The following ATP7A variants were observed in gnomAD, a reference collection of about 807,000 sequenced individuals.
ATP7A encodes the protein ATPase copper transporting alpha.
ATP7A carries 7 observed loss-of-function variants against 83.5 expected under a neutral mutation model. That is an observed-to-expected ratio of 0.08 (90% CI 0.05 to 0.16). The LOEUF (loss-of-function observed/expected upper bound fraction) is 0.16. Among genes scored for constraint, ATP7A ranks in the 10% least tolerant of loss-of-function variants. The pLI is 1.00. For missense variants in ATP7A, 940 were observed against 1,120.8 expected (o/e 0.84, Z 2.30); for synonymous variants, 354 against 395.2 (o/e 0.90, Z 1.24).
chrX:77,939,085 C>T (rs1157036744), intron 1 of ATP7A, among the ~76,000 whole-genome samples: 3 of 111,346 alleles, frequency 2.7e-5, no homozygotes, highest in Admixed American at 1.9e-4. Context: ...AACTTCAGTC[C>T]AGGAGTTCGA....
At chrX:77,952,856 A>T (rs2077420754) in intron 1 of ATP7A, among the ~76,000 whole-genome samples, 1 of 104,982 alleles carries the variant, frequency 9.5e-6, no homozygotes, top group African/African-American at 3.5e-5. Context: ...AACTTGGCTC[A>T]TTGCAACCTC....
intron 1 of ATP7A, among the ~76,000 whole-genome samples, chrX:77,961,870 A>T (rs1312673588): frequency 3.6e-5 from 4 of 111,321 alleles, no homozygotes; most frequent in African/African-American, 1.3e-4. Context: ...AGGTATTAAG[A>T]GATATAATTC....
intron 14 of ATP7A, among the ~76,000 whole-genome samples, chrX:78,024,842 G>A (rs2077931752): frequency 9.0e-6 from 1 of 111,304 alleles, no homozygotes; most frequent in South Asian, 3.8e-4. Context: ...GAGTGCGAGT[G>A]CACCCTAATA....
At chrX:78,005,943 C>T (rs965028435) in intron 6 of ATP7A, among the ~76,000 whole-genome samples, 2 of 110,795 alleles carry the variant, frequency 1.8e-5, no homozygotes, top group African/African-American at 6.6e-5. Context: ...ATAAGACAAG[C>T]GTCAGCACCC....
chrX:77,915,828 C>T (rs2077181937), intron 1 of ATP7A, among the ~76,000 whole-genome samples: 1 of 111,955 alleles, frequency 8.9e-6, no homozygotes, highest in South Asian at 3.7e-4. Flanking sequence ...TCAAGCGATT[C>T]TCATGCCTCA....
intron 2 of ATP7A, among the ~76,000 whole-genome samples, chrX:77,980,826 GCCTGGC>G (rs1557230831): frequency 9.0e-6 from 1 of 111,101 alleles, no homozygotes; most frequent in African/African-American, 3.3e-5. Context: ...CTGTCACCAT[GCCTGGC>G]TAATTTTTGT....
At chrX:78,045,655 G>T in intron 22 of ATP7A, 83 bp downstream of exon 22, 2 of 907,996 alleles carry the variant, frequency 2.2e-6, no homozygotes, top group South Asian at 4.0e-5. Flanking sequence ...TTCTTGTATT[G>T]ATCAATGATA....
chrX:77,963,018 GT>G, intron 1 of ATP7A: 1 of 212,770 alleles, frequency 4.7e-6, no homozygotes, highest in Non-Finnish European at 8.8e-6. Flanking sequence ...TCAGAATGAA[GT>G]TTTTCTTGGT....
intron 1 of ATP7A, among the ~76,000 whole-genome samples, chrX:77,936,652 G>T (rs1557225056): frequency 8.9e-6 from 1 of 112,031 alleles, no homozygotes; most frequent in East Asian, 2.8e-4. Context: ...TACAAAGAAA[G>T]ACTTTGAAAG....
intron 15 of ATP7A, among the ~76,000 whole-genome samples, chrX:78,030,911 G>A (rs191525744): frequency 3.6e-5 from 4 of 109,847 alleles, no homozygotes; most frequent in African/African-American, 6.6e-5. Flanking sequence ...GGCTGGTCTC[G>A]ATCTCCTGAC....
intron 11 of ATP7A, 116 bp from the exon 12 acceptor site, chrX:78,015,638 C>A: frequency 1.0e-6 from 1 of 980,606 alleles, no homozygotes; most frequent in Non-Finnish European, 1.4e-6. Flanking sequence ...TTGGTTCTAG[C>A]TTCCATTGGC....
At chrX:77,931,225 A>G (rs1312651757) in intron 1 of ATP7A, among the ~76,000 whole-genome samples, 1 of 108,261 alleles carries the variant, frequency 9.2e-6, no homozygotes, top group Non-Finnish European at 1.9e-5. Context: ...GTTAACGAGC[A>G]TGCTGCCTTC....
At chrX:78,010,435 T>A (rs894294542) in intron 7 of ATP7A, among the ~76,000 whole-genome samples, 5 of 111,835 alleles carry the variant, frequency 4.5e-5, no homozygotes, top group Non-Finnish European at 7.5e-5. Flanking sequence ...CAGATAAGTC[T>A]TGCTTAGGGG....
At chrX:77,918,031 A>G (rs2077193357) in intron 1 of ATP7A, among the ~76,000 whole-genome samples, 1 of 109,217 alleles carries the variant, frequency 9.2e-6, no homozygotes, top group African/African-American at 3.3e-5. Flanking sequence ...AAGTATAATA[A>G]TGCTCTAAGA....
intron 2 of ATP7A, among the ~76,000 whole-genome samples, chrX:77,979,973 A>G (rs2077595865): frequency 8.9e-6 from 1 of 112,358 alleles, no homozygotes. Context: ...GTTCAAAGGA[A>G]AAGTAAAATA....
chrX:77,964,758 TA>T (rs1482688918), intron 1 of ATP7A: 3 of 111,906 alleles, frequency 2.7e-5, no homozygotes, highest in African/African-American at 9.8e-5. Flanking sequence ...CATCCTTTTT[TA>T]TGGCTGCGGA....
At position 77,971,955 on chromosome X, in the gene ATP7A, A is replaced by G. The variant is rs139196328; in HGVS notation, c.120+194A>G. On this transcript the variant is annotated intron_variant, in intron 2 of 22. Transcript: ENST00000341514. Reference sequence around the variant, plus strand: ...CATAAAGAAAAAAGATATATTTTCAATTTAAAAACATCTGAACATGGAATC... The same window carrying G: ...CATAAAGAAAAAAGATATATTTTCAGTTTAAAAACATCTGAACATGGAATC... Among the ~76,000 whole-genome samples, 1,216 of 111,832 alleles carry G rather than the reference A, an allele frequency of 0.011. 60 individuals are homozygous for G. The East Asian group carries it at 0.19, about 18-fold the overall frequency.
chrX:77,956,817 A>G (rs1359801376), intron 1 of ATP7A, among the ~76,000 whole-genome samples: 2 of 74,600 alleles, frequency 2.7e-5, no homozygotes, highest in Non-Finnish European at 5.0e-5. Flanking sequence ...TTTTTAACTG[A>G]CACAGGGTCT....
chrX:77,988,267 C>A lies in ATP7A; in HGVS notation c.146C>A (p.Thr49Asn), dbSNP rs782681728. ...IKVSLEEKNATIIYDPKLQTP... is the reference protein window; with the variant it reads ...IKVSLEEKNANIIYDPKLQTP... Reference sequence around the variant, plus strand: ...GTATCACTGGAAGAAAAAAATGCAACTATTATTTATGACCCTAAACTACAG... The same window carrying A: ...GTATCACTGGAAGAAAAAAATGCAAATATTATTTATGACCCTAAACTACAG... The change falls in exon 3 of 23, where the codon ACT (threonine) becomes AAT (asparagine). Residue 49 changes from threonine to asparagine, a missense_variant. This residue lies in a region of ATP7A where 350 missense variants were observed against 432.8 expected (regional missense o/e 0.81). Coordinates refer to ENST00000341514, the MANE Select transcript of ATP7A (RefSeq NM_000052.7). 10 of 1,198,533 alleles carry A rather than the reference C, an allele frequency of 8.3e-6. No individual in the cohort carries two copies. The South Asian group carries it at 1.8e-4, about 22-fold the overall frequency.
Sources: allele counts gnomAD v4.1 joint callset (sites outside exome capture counted in the v4.1 genomes callset), GRCh38; gene constraint gnomAD v4.1.1; regional missense constraint gnomAD v4.1.1; transcripts MANE v1.5; gene names NCBI Gene and HGNC (gene_info 2026-07-23, HGNC 2026-07-21).